SEPTIN8: variants seen among roughly 807,000 people sequenced by gnomAD.
SEPTIN8 encodes septin-8.
SEPTIN8 carries 22 observed loss-of-function variants against 53.1 expected under a neutral mutation model. The ratio of observed to expected loss-of-function variants is 0.41; its 90% CI spans 0.30 to 0.59. The LOEUF (loss-of-function observed/expected upper bound fraction) is 0.59, where lower values mean the gene tolerates loss of function less well. SEPTIN8 is among the 20% of genes least tolerant of loss of function. The pLI is 0.24. For synonymous variants in SEPTIN8, 228 were observed against 248.4 expected (o/e 0.92, Z 0.77); for missense variants, 536 against 638.7 (o/e 0.84, Z 1.73).
intron 9 of SEPTIN8, chr5:132,757,170 A>G: frequency 7.2e-6 from 7 of 975,014 alleles, no homozygotes; most frequent in Non-Finnish European, 8.5e-6. Flanking sequence ...CTAATTTTAT[A>G]TTAACATTGT....
At chr5:132,758,704 C>T in intron 9 of SEPTIN8, 1 of 1,605,144 alleles carries the variant, frequency 6.2e-7, no homozygotes, top group Non-Finnish European at 8.5e-7. Context: ...GGAGTCTGTA[C>T]CGGCTCCCAG....
intron 2 of SEPTIN8, 151 bp from the exon 3 acceptor site, chr5:132,764,570 C>T (rs1756387018): frequency 1.6e-6 from 1 of 622,834 alleles, no homozygotes; most frequent in Non-Finnish European, 2.8e-6. Flanking sequence ...CTCATCACCC[C>T]CATTCCCCAG....
intron 9 of SEPTIN8, chr5:132,754,627 C>T: frequency 1.6e-6 from 1 of 643,160 alleles, no homozygotes; most frequent in Middle Eastern, 2.8e-4. Context: ...GGGAAGCTCA[C>T]TTTTGTATTG....
intron 9 of SEPTIN8, 152 bp from the exon 10 acceptor site, chr5:132,752,333 A>G: frequency 9.4e-7 from 1 of 1,064,178 alleles, no homozygotes. Context: ...GAGTCTGCCC[A>G]AAGGCTAGGC....
At chr5:132,756,294 C>G (rs374484002) in intron 9 of SEPTIN8, 3 of 984,896 alleles carry the variant, frequency 3.0e-6, no homozygotes, top group East Asian at 2.3e-4. Context: ...TCCACATCGG[C>G]CTGGGACAGG....
chr5:132,760,854 C>G lies in SEPTIN8; in HGVS notation c.1234G>C (p.Ala412Pro), dbSNP rs1381237648. 3 of 1,613,768 alleles carry G rather than the reference C, an allele frequency of 1.9e-6. No homozygotes were observed. In the South Asian group the frequency reaches 3.3e-5, roughly 18 times the overall value. ...GGCTGCTGCGAGGTGGCGTGCAAGG[C>G]CTGCGACTGCAGGGCCTCCACCGCA... Reference protein sequence around the residue: ...KAAVEALQSQALHATSQQPLR... With the variant: ...KAAVEALQSQPLHATSQQPLR... Residue 412 changes from alanine to proline, a missense_variant, in exon 9 of 10, where the codon GCC (alanine) becomes CCC (proline). Coordinates refer to ENST00000378719, the MANE Select transcript of SEPTIN8 (RefSeq NM_001098811.2). This position sits in a 1 kb window ranked among gnomAD's most constrained non-coding sequence, Gnocchi z 5.2.
Position 132,761,751 on chromosome 5 carries a change from C to A in SEPTIN8, c.793+49G>T. On this transcript the variant is annotated intron_variant, in intron 6 of 9. Transcript: ENST00000378719. This position sits in a 1 kb window ranked among gnomAD's most constrained non-coding sequence, Gnocchi z 5.8. ...AGGGTACTACAGGCAGCAGGGCAGG[C>A]CAGGGAACTCAGTTCTACCCCCAGG... 6.3e-7 allele frequency: 1 copy of A among 1,584,218 alleles called. No homozygotes were observed.
At position 132,751,011 on chromosome 5, in the gene SEPTIN8, T is replaced by C; in HGVS notation, c.*1005A>G. 3.7e-6 allele frequency: 6 copies of C among 1,610,888 alleles called. No individual in the cohort carries two copies. The highest frequency in any genetic ancestry group is 5.1e-6 in the Non-Finnish European group (6 of 1,179,192). On this transcript the variant is annotated 3_prime_UTR_variant, in exon 10 of 10. Coordinates refer to ENST00000378719, the MANE Select transcript of SEPTIN8 (RefSeq NM_001098811.2). ...TTCTTGACTATAGTGAGTAAGGAGG[T>C]GTTTACAGAGTCTACCCTAAACTCG...
intron 9 of SEPTIN8, chr5:132,756,881 T>G (rs1010743786): frequency 2.0e-6 from 2 of 985,336 alleles, no homozygotes; most frequent in South Asian, 4.7e-5. Context: ...TCATTTCTTA[T>G]GTATCCAATG....
intron 4 of SEPTIN8, among the ~76,000 whole-genome samples, chr5:132,763,144 G>A (rs1434579587): frequency 6.6e-6 from 1 of 152,140 alleles, no homozygotes; most frequent in Non-Finnish European, 1.5e-5. Flanking sequence ...GGGATGTGGG[G>A]TCACATGCCC....
intron 5 of SEPTIN8, among the ~76,000 whole-genome samples, 163 bp from the exon 6 acceptor site, chr5:132,762,059 C>A (rs983090095): frequency 2.0e-5 from 3 of 152,166 alleles, no homozygotes; most frequent in Non-Finnish European, 4.4e-5. Flanking sequence ...TGTCCCAGAA[C>A]TCCAAACAGG....
chr5:132,773,070 C>T lies in SEPTIN8; in HGVS notation c.30+4038G>A, dbSNP rs372337441. Among the ~76,000 whole-genome samples the T allele has an allele frequency of 9.2e-5, 14 of 152,212 alleles. No homozygotes were observed. The highest frequency in any genetic ancestry group is 9.2e-4 in the Admixed American group (14 of 15,292). On this transcript the variant is annotated intron_variant, in intron 1 of 9. Transcript: ENST00000378719. This position sits in a 1 kb window ranked among gnomAD's most constrained non-coding sequence, Gnocchi z 4.2. ...CGCAGAGCCAAGATGCCCCCTGCCC[C>T]GTCCTCCGCTGCCTCTTCCCAGCCA...
chr5:132,765,278 C>G, intron 2 of SEPTIN8, 131 bp downstream of exon 2: 1 of 1,101,470 alleles, frequency 9.1e-7, no homozygotes, highest in Non-Finnish European at 1.3e-6. Flanking sequence ...CAACCAAATC[C>G]TCGTCCTGAC....
Position 132,765,541 on chromosome 5 carries a change from GAAAT to G in SEPTIN8, c.31-16_31-13del. The G allele has an allele frequency of 6.3e-7, 1 of 1,578,930 alleles. No individual in the cohort carries two copies. The highest frequency in any genetic ancestry group is 8.6e-7 in the Non-Finnish European group (1 of 1,166,026). ...TCTGGCTCTGCATTCTGCCAAGAGAGAAATAAAGCAAGACATGAGCCCACTGGGG... is the reference window on the plus strand; with the variant it reads ...TCTGGCTCTGCATTCTGCCAAGAGAGAAAGCAAGACATGAGCCCACTGGGG... On this transcript the variant is annotated splice_polypyrimidine_tract_variant and intron_variant, in intron 1 of 9. Transcript: ENST00000378719.
chr5:132,779,506 A>G (rs1758006826), upstream of SEPTIN8, among the ~76,000 whole-genome samples: 1 of 152,212 alleles, frequency 6.6e-6, no homozygotes, highest in African/African-American at 2.4e-5. Flanking sequence ...CCCTGCATAC[A>G]TACCCAGCAC....
chr5:132,779,375 G>A (rs971691935), upstream of SEPTIN8, among the ~76,000 whole-genome samples: 2 of 152,196 alleles, frequency 1.3e-5, no homozygotes, highest in African/African-American at 4.8e-5. Flanking sequence ...GGAATGCTGA[G>A]TTCCATACAC....
Position 132,765,472 on chromosome 5 carries a change from G to C in SEPTIN8, c.88C>G (p.Leu30Val), listed in dbSNP as rs752187962. Residue 30 changes from leucine (L) to valine (V), a missense_variant, in exon 2 of 10, where the codon CTC becomes GTC. Leu to Val is a conservative substitution (Grantham distance 32, BLOSUM62 1). This residue lies in a region of SEPTIN8 where 395 missense variants were observed against 451.8 expected (regional missense o/e 0.87). Transcript: ENST00000378719. The stretch of plus-strand genomic sequence containing the variant: ...GACTTGCTGACCAGCTGGTCGGGGA[G>C]GCTGTCGAAACCCACATGGCCGCCC... ...SLGGHVGFDS[L>V]PDQLVSKSVT... The C allele has an allele frequency of 1.9e-6, 3 of 1,613,438 alleles. No homozygotes were observed. The highest frequency in any genetic ancestry group is 1.1e-5 in the South Asian group (1 of 91,036).
rs562510553 is a variant in SEPTIN8, at chr5:132,761,735, C to T, written c.793+65G>A. 13 of 1,583,902 alleles carry T rather than the reference C, an allele frequency of 8.2e-6. No homozygotes were observed. In the South Asian group the frequency reaches 1.2e-4, roughly 14 times the overall value. ...GAGGAGGAAACAGCACAGGGTACTA[C>T]AGGCAGCAGGGCAGGCCAGGGAACT... On this transcript the variant is annotated intron_variant, in intron 6 of 9. Coordinates refer to ENST00000378719, the MANE Select transcript of SEPTIN8 (RefSeq NM_001098811.2). This position sits in a 1 kb window ranked among gnomAD's most constrained non-coding sequence, Gnocchi z 5.8.
intron 1 of SEPTIN8, among the ~76,000 whole-genome samples, chr5:132,770,420 T>C (rs1388424736): frequency 6.6e-6 from 1 of 152,012 alleles, no homozygotes; most frequent in Admixed American, 6.6e-5. Context: ...CCTCAGGTGA[T>C]CCACCTGCGT....
Sources: gnomAD v4.1 joint callset for allele counts (sites outside exome capture counted in the v4.1 genomes callset) on GRCh38, gnomAD v4.1.1 for gene constraint, gnomAD v4.1.1 regional missense constraint, Gnocchi (gnomAD v3.1) non-coding constraint, MANE v1.5 for transcripts, NCBI Gene and HGNC (gene_info 2026-07-23, HGNC 2026-07-21) for gene names.